Variants in KLF8 observed in about 807,000 individuals in gnomAD.
KLF8 encodes Krueppel-like factor 8.
In KLF8, 10 loss-of-function variants were observed where a neutral mutation model predicts 18.2. That is an observed-to-expected ratio of 0.55 (90% CI 0.34 to 0.93). The LOEUF is 0.93. Ranked by LOEUF, KLF8 falls within the 40% of genes least tolerant of loss-of-function variation. The probability of loss-of-function intolerance (pLI) is 0.02; values close to 1 mark genes in which losing one functional copy is unlikely to be tolerated. For synonymous variants in KLF8, 109 were observed against 97.3 expected, an observed-to-expected ratio of 1.12 and a Z score of -0.71; for missense variants, 264 against 277.9, an observed-to-expected ratio of 0.95 and a Z score of 0.36.
At chrX:56,084,221 A>T in the KLF8 span, among the ~76,000 whole-genome samples, 10 of 110,394 alleles carry the variant, frequency 9.1e-5, no homozygotes, top group South Asian at 7.8e-4. Context: ...CCCACATAAA[A>T]TTTTTTAAAA....
intron 2 of KLF8, among the ~76,000 whole-genome samples, chrX:56,262,226 T>C (rs963883842): frequency 2.7e-5 from 3 of 112,204 alleles, no homozygotes; most frequent in South Asian, 3.7e-4. Flanking sequence ...GGACAACTAA[T>C]GATGGCCTGT....
the KLF8 span, among the ~76,000 whole-genome samples, chrX:56,089,330 C>T: frequency 8.9e-6 from 1 of 111,793 alleles, no homozygotes; most frequent in African/African-American, 3.3e-5. Flanking sequence ...AAAAAGTGAG[C>T]GGAGAAGCTG....
the KLF8 span, among the ~76,000 whole-genome samples, chrX:55,997,504 C>G: frequency 9.0e-6 from 1 of 111,656 alleles, no homozygotes; most frequent in Admixed American, 9.5e-5. Flanking sequence ...CTAGGAGCCA[C>G]TCAGGGCCAG....
the KLF8 span, among the ~76,000 whole-genome samples, chrX:56,004,670 C>A: frequency 1.8e-5 from 2 of 111,255 alleles, no homozygotes; most frequent in African/African-American, 6.5e-5. Context: ...CGAAGTCTTG[C>A]GGGTAATTCT....
chrX:55,946,335 A>G, the KLF8 span, among the ~76,000 whole-genome samples: 1 of 111,369 alleles, frequency 9.0e-6, no homozygotes, highest in Non-Finnish European at 1.9e-5. Flanking sequence ...AACACCACAT[A>G]TCTACAACTA....
At chrX:55,948,784 G>A in the KLF8 span, among the ~76,000 whole-genome samples, 2 of 111,408 alleles carry the variant, frequency 1.8e-5, no homozygotes, top group Non-Finnish European at 3.8e-5. Flanking sequence ...ACAGTTATGA[G>A]GTTGAGTCCT....
chrX:56,139,979 C>T, the KLF8 span, among the ~76,000 whole-genome samples: 1 of 112,097 alleles, frequency 8.9e-6, no homozygotes, highest in Non-Finnish European at 1.9e-5. Context: ...TGAACAGACA[C>T]TTCTCAAAAG....
chrX:56,062,458 G>C, the KLF8 span, among the ~76,000 whole-genome samples: 34 of 111,763 alleles, frequency 3.0e-4, no homozygotes, highest in Admixed American at 3.2e-3. Context: ...AGTTTGGCTG[G>C]TTATGAAATT....
At chrX:56,028,615 T>C in the KLF8 span, among the ~76,000 whole-genome samples, 2 of 111,467 alleles carry the variant, frequency 1.8e-5, no homozygotes, top group Non-Finnish European at 3.8e-5. Context: ...GCAGCCTAGG[T>C]CTTTAGCAGG....
the KLF8 span, among the ~76,000 whole-genome samples, chrX:56,038,277 T>TAAAC: frequency 8.9e-6 from 1 of 111,856 alleles, no homozygotes; most frequent in Non-Finnish European, 1.9e-5. Context: ...GTTACATAAG[T>TAAAC]AAACATGTGC....
chrX:55,957,682 T>C, the KLF8 span, among the ~76,000 whole-genome samples: 2 of 112,345 alleles, frequency 1.8e-5, no homozygotes, highest in African/African-American at 6.5e-5. Flanking sequence ...TTTAATTTCC[T>C]TTTTCAGATT....
the KLF8 span, among the ~76,000 whole-genome samples, chrX:56,092,103 G>T: frequency 1.9e-5 from 2 of 105,804 alleles, no homozygotes; most frequent in South Asian, 4.2e-4. Context: ...TTTGTTTCTT[G>T]GTTGCTTGTG....
chrX:56,282,760 T>C (rs752548685), intron 5 of KLF8, among the ~76,000 whole-genome samples: 2 of 111,981 alleles, frequency 1.8e-5, no homozygotes, highest in Non-Finnish European at 3.8e-5. Context: ...AAATAATACA[T>C]GCTCATTGTA....
chrX:55,933,266 A>G, the KLF8 span, among the ~76,000 whole-genome samples: 1 of 111,808 alleles, frequency 8.9e-6, no homozygotes, highest in Non-Finnish European at 1.9e-5. Context: ...TCCAGTCACC[A>G]TTTAAAACAC....
At chrX:56,133,472 A>G in the KLF8 span, among the ~76,000 whole-genome samples, 2 of 111,910 alleles carry the variant, frequency 1.8e-5, no homozygotes, top group Non-Finnish European at 3.8e-5. Context: ...CATTCCTTTA[A>G]GATTAAAACC....
chrX:56,164,109 A>AT, the KLF8 span, among the ~76,000 whole-genome samples: 9 of 107,873 alleles, frequency 8.3e-5, no homozygotes, highest in South Asian at 3.9e-4. Context: ...TTTATTTTTT[A>AT]TTTTTTTTTT....
chrX:56,160,173 T>C, the KLF8 span, among the ~76,000 whole-genome samples: 1 of 112,002 alleles, frequency 8.9e-6, no homozygotes, highest in Non-Finnish European at 1.9e-5. Context: ...GAGCAGGTTG[T>C]TTAGTTTCCG....
chrX:55,948,720 A>G, the KLF8 span, among the ~76,000 whole-genome samples: 1 of 110,638 alleles, frequency 9.0e-6, no homozygotes, highest in Non-Finnish European at 1.9e-5. Flanking sequence ...CACTCTTGCA[A>G]TATAGTGGGA....
the KLF8 span, among the ~76,000 whole-genome samples, chrX:56,038,104 A>C: frequency 8.9e-6 from 1 of 112,098 alleles, no homozygotes; most frequent in African/African-American, 3.2e-5. Flanking sequence ...TGCCTAGCTT[A>C]TCTCAGTTTG....
Sources: gnomAD v4.1 joint callset for allele counts (sites outside exome capture counted in the v4.1 genomes callset) on GRCh38, gnomAD v4.1.1 for gene constraint, MANE v1.5 for transcripts, NCBI Gene and HGNC (gene_info 2026-07-23, HGNC 2026-07-21) for gene names.